KIF13B: variants seen among roughly 807,000 people sequenced by gnomAD.
The protein encoded by KIF13B is kinesin family member 13B.
In KIF13B, 127 loss-of-function variants were observed where a neutral mutation model predicts 222.0. The observed-to-expected ratio is 0.57, with a 90% confidence interval of 0.50 to 0.66. The LOEUF is 0.66. Among genes scored for constraint, KIF13B ranks in the 30% least tolerant of loss-of-function variants. The pLI is 0.00. For synonymous variants in KIF13B, 976 were observed against 919.0 expected, an observed-to-expected ratio of 1.06 and a Z score of -1.12; for missense variants, 2,173 against 2,379.0, an observed-to-expected ratio of 0.91 and a Z score of 1.80.
At chr8:29,173,768 AC>A (rs372863412) in intron 10 of KIF13B, among the ~76,000 whole-genome samples, 145 of 152,112 alleles carry the variant, frequency 9.5e-4, no homozygotes, top group African/African-American at 3.4e-3. Context: ...ACATGGCAAA[AC>A]CCTGTCTCTA....
intron 10 of KIF13B, among the ~76,000 whole-genome samples, chr8:29,169,503 C>T (rs1487803147): frequency 6.6e-6 from 1 of 152,190 alleles, no homozygotes; most frequent in East Asian, 1.9e-4. Flanking sequence ...AAAATGATTC[C>T]TAAGGTGTTA....
rs1461629852 is a variant in KIF13B at position 29,142,301 on chromosome 8, T to G, written c.2190A>C (p.Arg730=). 1.2e-6 allele frequency: 2 copies of G among 1,611,012 alleles called. No individual in the cohort carries two copies. Among genetic ancestry groups the G allele is most frequent in the Admixed American group, 1.7e-5 (1 of 59,458 alleles). The change falls in exon 19 of 40, where the codon CGA becomes CGC. Residue 730 remains arginine, a splice_region_variant and synonymous_variant. Transcript: ENST00000524189. ...PASSLDANRK[R]GSLLSEPAIQ... is the part of the protein sequence containing the mutation. Reference sequence around the variant, plus strand: ...TTGCAGGCTCACTAAGAAGAGAGCCTCGCTGCAAAGAGAGTAAGAATGACC... The same window carrying G: ...TTGCAGGCTCACTAAGAAGAGAGCCGCGCTGCAAAGAGAGTAAGAATGACC...
rs188068933 is a variant in KIF13B at position 29,201,774 on chromosome 8, T to C, written c.150-5575A>G. Reference sequence around the variant, plus strand: ...ATTCTAATACAGCCATACTACGTCATGATATTGTTGCTTTTTTGAACTTGG... The same window carrying C: ...ATTCTAATACAGCCATACTACGTCACGATATTGTTGCTTTTTTGAACTTGG... On this transcript the variant is annotated intron_variant, in intron 2 of 39. Coordinates refer to ENST00000524189, the MANE Select transcript of KIF13B (RefSeq NM_015254.4). Among the ~76,000 whole-genome samples, 352 of 152,374 alleles carry C rather than the reference T, an allele frequency of 2.3e-3. 2 individuals are homozygous for C. The highest frequency in any genetic ancestry group is 8.2e-3 in the African/African-American group (340 of 41,592).
Position 29,180,190 on chromosome 8 carries a change from C to T in KIF13B, c.634G>A (p.Ala212Thr). ...SEGNKSRTVA[A>T]TNMNEESSRS... ...CTACTCTCCTCGTTCATGTTGGTTG[C>T]AGCAACTGTGCGAGATTTGTTACCC... The change falls in exon 8 of 40, where the codon GCA becomes ACA. Residue 212 changes from alanine (A) to threonine (T), a missense_variant. Around this residue, in one of 2 missense-constraint regions of KIF13B, gnomAD observed 1,480 missense variants for 1,722.8 expected, o/e 0.86. Coordinates refer to ENST00000524189, the MANE Select transcript of KIF13B (RefSeq NM_015254.4). 6.2e-7 allele frequency: 1 copy of T among 1,613,944 alleles called. No homozygotes were observed. Among genetic ancestry groups the T allele is most frequent in the South Asian group, 1.1e-5 (1 of 91,090 alleles).
At position 29,238,979 on chromosome 8, in the gene KIF13B, A is replaced by T. The variant is rs12543092; in HGVS notation, c.149+6367T>A. 3.9e-5 allele frequency among the ~76,000 whole-genome samples: 6 copies of T among 152,064 alleles called. No individual in the cohort carries two copies. The South Asian group carries it at 6.2e-4, about 16-fold the overall frequency. ...CTTGAGCCTGGGAGGTGGAGGCTGCAGTGAGCAGTGATCACACCACTATAC... is the reference window on the plus strand; with the variant it reads ...CTTGAGCCTGGGAGGTGGAGGCTGCTGTGAGCAGTGATCACACCACTATAC... On this transcript the variant is annotated intron_variant, in intron 2 of 39. Coordinates refer to ENST00000524189, the MANE Select transcript of KIF13B (RefSeq NM_015254.4).
chr8:29,252,049 G>A (rs2130679395), intron 1 of KIF13B, among the ~76,000 whole-genome samples: 1 of 152,044 alleles, frequency 6.6e-6, no homozygotes. Flanking sequence ...AGGGGGATGG[G>A]AGAAGGGGGA....
In KIF13B at chr8:29,071,366, A is replaced by G. The variant is rs1413256815; in HGVS notation, c.5218+254T>C. Reference sequence around the variant, plus strand: ...GGGAGACCGGAACAAAAGCGGGAACAGCCATGGCGATGGGGGGATGGGTAC... The same window carrying G: ...GGGAGACCGGAACAAAAGCGGGAACGGCCATGGCGATGGGGGGATGGGTAC... On this transcript the variant is annotated intron_variant, in intron 39 of 39. Coordinates refer to ENST00000524189, the MANE Select transcript of KIF13B (RefSeq NM_015254.4). The surrounding 1 kb of genome is among the most constrained non-coding windows in gnomAD (Gnocchi z 4.9). Among the ~76,000 whole-genome samples, 3 of 152,112 alleles carry G rather than the reference A, an allele frequency of 2.0e-5. No individual in the cohort carries two copies. The highest frequency in any genetic ancestry group is 7.2e-5 in the African/African-American group (3 of 41,410).
In KIF13B at chr8:29,071,997, GTGGGCGGTGGGGGGTGGCTGA is replaced by G; in HGVS notation, c.4820_4840del (p.Ile1607_Pro1613del). ...AGGGGGCTCCTCGGCGGGGACGGCCGTGGGCGGTGGGGGGTGGCTGATGGGCGCCTCGGGCTCGGCCTCAGG... is the reference window on the plus strand; with the variant it reads ...AGGGGGCTCCTCGGCGGGGACGGCCGTGGGCGCCTCGGGCTCGGCCTCAGG... On this transcript the variant is annotated inframe_deletion, in exon 39 of 40. Coordinates refer to ENST00000524189, the MANE Select transcript of KIF13B (RefSeq NM_015254.4). This position sits in a 1 kb window ranked among gnomAD's most constrained non-coding sequence, Gnocchi z 4.9. The G allele has an allele frequency of 6.2e-6, 8 of 1,296,128 alleles. No homozygotes were observed. The highest frequency in any genetic ancestry group is 7.8e-6 in the Non-Finnish European group (8 of 1,025,366). The allele number at this position is 1,296,128 out of a possible 1,614,324, so 80.3% of individuals were successfully genotyped here.
intron 6 of KIF13B, among the ~76,000 whole-genome samples, chr8:29,183,576 C>T (rs1181457681): frequency 2.6e-5 from 4 of 152,224 alleles, no homozygotes; most frequent in Non-Finnish European, 1.5e-5. Flanking sequence ...TCCTTATCCT[C>T]ACCTTAGGCA....
chr8:29,171,519 G>A (rs1415792120), intron 10 of KIF13B, among the ~76,000 whole-genome samples: 3 of 152,062 alleles, frequency 2.0e-5, no homozygotes, highest in Admixed American at 1.3e-4. Flanking sequence ...CTGGAAGTAT[G>A]CCCATGTCAA....
intron 4 of KIF13B, among the ~76,000 whole-genome samples, chr8:29,188,817 G>C (rs1476451244): frequency 1.3e-5 from 2 of 152,170 alleles, no homozygotes; most frequent in Non-Finnish European, 2.9e-5. Context: ...TGTAATACAT[G>C]CTTGAATAAA....
At chr8:29,194,026 G>T (rs1813307869) in intron 3 of KIF13B, among the ~76,000 whole-genome samples, 1 of 147,160 alleles carries the variant, frequency 6.8e-6, no homozygotes, top group Non-Finnish European at 1.5e-5. Flanking sequence ...GGGTTTCACT[G>T]TGTTAGCCAG....
chr8:29,148,129 C>T (rs760850058), intron 16 of KIF13B, among the ~76,000 whole-genome samples: 3 of 152,164 alleles, frequency 2.0e-5, no homozygotes, highest in Non-Finnish European at 4.4e-5. Flanking sequence ...CACTTGAACC[C>T]AGGAGGCAGA....
intron 14 of KIF13B, 67 bp downstream of exon 14, chr8:29,155,659 T>C (rs765937306): frequency 3.8e-5 from 53 of 1,393,416 alleles, no homozygotes; most frequent in Non-Finnish European, 5.3e-5. Flanking sequence ...AAGGCCACTG[T>C]TGCCACTAGA....
chr8:29,085,705 C>CTTTTTTTT (rs71222589), intron 37 of KIF13B, among the ~76,000 whole-genome samples: 13 of 48,768 alleles, frequency 2.7e-4, no homozygotes, highest in African/African-American at 9.9e-4. Flanking sequence ...AAATACTCTT[C>CTTTTTTTT]TTTTTTTTTT....
Position 29,130,567 on chromosome 8 carries a change from T to C in KIF13B, c.3041A>G (p.Asp1014Gly). 1 of 1,613,842 alleles carries C rather than the reference T, an allele frequency of 6.2e-7. No individual in the cohort carries two copies. The highest frequency in any genetic ancestry group is 1.6e-4 in the Middle Eastern group (1 of 6,062). ...YCPVEVISAK[D>G]VPTGGIFQLR... ...CTGGAAGATTCCTCCTGTTGGGACA[T>C]CCTTTGCAGAAATCACTTCTACAGG... Residue 1014 changes from aspartate (D) to glycine (G), a missense_variant, in exon 24 of 40, where the codon GAT becomes GGT. By Grantham distance (94) the Asp-to-Gly change is moderately conservative. Coordinates refer to ENST00000524189, the MANE Select transcript of KIF13B (RefSeq NM_015254.4).
chr8:29,094,590 G>C (rs1437480410), intron 36 of KIF13B, among the ~76,000 whole-genome samples: 1 of 152,184 alleles, frequency 6.6e-6, no homozygotes, highest in Admixed American at 6.5e-5. Context: ...CTGGAGTCAT[G>C]TCAATGTCCT....
intron 2 of KIF13B, among the ~76,000 whole-genome samples, chr8:29,206,513 C>T (rs1813948682): frequency 6.6e-6 from 1 of 152,182 alleles, no homozygotes; most frequent in African/African-American, 2.4e-5. Context: ...TCACGACTAC[C>T]TATTTCACTA....
At chr8:29,107,953 C>T (rs1311788067) in intron 35 of KIF13B, among the ~76,000 whole-genome samples, 186 bp downstream of exon 35, 1 of 152,028 alleles carries the variant, frequency 6.6e-6, no homozygotes, top group Non-Finnish European at 1.5e-5. Flanking sequence ...TAGTCAGAGT[C>T]TAATAAACCT....
Sources: allele counts gnomAD v4.1 joint callset (sites outside exome capture counted in the v4.1 genomes callset), GRCh38; gene constraint gnomAD v4.1.1; regional missense constraint gnomAD v4.1.1; non-coding constraint Gnocchi (gnomAD v3.1); transcripts MANE v1.5; gene names NCBI Gene and HGNC (gene_info 2026-07-23, HGNC 2026-07-21).